The following SEPTIN3 variants were observed in gnomAD, a reference collection of about 807,000 sequenced individuals.
SEPTIN3 encodes the protein neuronal-specific septin-3.
Under a neutral mutation model 45.1 loss-of-function variants are expected in SEPTIN3, and 15 were observed. The observed-to-expected ratio is 0.33, with a 90% CI of 0.22 to 0.51. The LOEUF is 0.51. Ranked by LOEUF, SEPTIN3 falls within the 20% of genes least tolerant of loss-of-function variation. SEPTIN3 has a pLI of 0.97. For synonymous variants in SEPTIN3, 148 were observed against 164.8 expected, an observed-to-expected ratio of 0.90 and a Z score of 0.78; for missense variants, 289 against 457.2, an observed-to-expected ratio of 0.63 and a Z score of 3.35.
intron 2 of SEPTIN3, among the ~76,000 whole-genome samples, chr22:41,975,382 G>A (rs2078007971): frequency 1.3e-5 from 2 of 151,974 alleles, no homozygotes; most frequent in East Asian, 1.9e-4. Context: ...TAATTGAGTC[G>A]TTAGATTGTC....
At chr22:41,981,011 A>G (rs1377763215) in intron 2 of SEPTIN3, among the ~76,000 whole-genome samples, 1 of 152,204 alleles carries the variant, frequency 6.6e-6, no homozygotes, top group African/African-American at 2.4e-5. Context: ...AGAGAAGGGT[A>G]GCCCTGTTTG....
intron 11 of SEPTIN3, chr22:41,995,677 C>A: frequency 1.0e-6 from 1 of 985,398 alleles, no homozygotes; most frequent in African/African-American, 1.7e-5. Flanking sequence ...CACAAAACTA[C>A]AGGACAGTAC....
At chr22:41,977,136 G>A in intron 2 of SEPTIN3, 1 of 1,532,908 alleles carries the variant, frequency 6.5e-7, no homozygotes, top group Non-Finnish European at 8.8e-7. Context: ...CGGCCAGCGC[G>A]GCTGGAGGCG....
intron 2 of SEPTIN3, among the ~76,000 whole-genome samples, chr22:41,980,283 G>A (rs917444433): frequency 8.6e-5 from 13 of 151,792 alleles, no homozygotes; most frequent in African/African-American, 2.7e-4. Flanking sequence ...GATTACAGGC[G>A]CCTGCCACCA....
intron 7 of SEPTIN3, among the ~76,000 whole-genome samples, chr22:41,990,933 A>G (rs1014734815): frequency 6.7e-6 from 1 of 150,298 alleles, no homozygotes. Flanking sequence ...GCGTGGTGGC[A>G]TATGCCTGTA....
rs1270778914 is a variant in SEPTIN3 at position 41,972,474 on chromosome 22, G to A, written c.982G>A (p.Gly328Ser). The A allele has an allele frequency of 2.5e-6, 1 of 398,984 alleles. No individual in the cohort carries two copies. The highest frequency in any genetic ancestry group is 4.4e-6 in the Non-Finnish European group (1 of 226,126). The allele number at this position is 398,984 out of a possible 1,614,324, so 24.7% of individuals were successfully genotyped here. ...CAAAACCGTGAACTTGGCTACAGCA[G>A]GCACAATCAAGCCGGGCACAGCCAT... The part of the protein sequence containing the change: ...SGKTVNLATA[G>S]TIKPGTAMNL... The change falls in exon 2 of 12, where the codon GGC becomes AGC. Residue 328 changes from glycine (G) to serine (S), a missense_variant. Transcript: ENST00000644076.
chr22:41,973,503 C>CA (rs144943770), intron 2 of SEPTIN3, among the ~76,000 whole-genome samples: 2,705 of 121,636 alleles, frequency 0.022, 89 homozygotes, highest in African/African-American at 0.079. Context: ...ACTAAAAGTA[C>CA]AAAAAAAAAA....
At chr22:41,991,457 G>T in intron 7 of SEPTIN3, 116 bp from the exon 8 acceptor site, 1 of 749,052 alleles carries the variant, frequency 1.3e-6, no homozygotes, top group South Asian at 1.5e-5. Context: ...AGATGACTGT[G>T]GATTATCCAA....
In SEPTIN3 at chr22:41,994,988, C is replaced by A; in HGVS notation, c.2505+274C>A. Reference sequence around the variant, plus strand: ...GGGTGAGGTATTTTCACTGCCCTCCCTGGAGAGTCCCTTGTAAGTTTGGCT... The same window carrying A: ...GGGTGAGGTATTTTCACTGCCCTCCATGGAGAGTCCCTTGTAAGTTTGGCT... On this transcript the variant is annotated intron_variant, in intron 11 of 11. Coordinates refer to ENST00000644076, the MANE Select transcript of SEPTIN3 (RefSeq NM_001363845.2). The surrounding 1 kb of genome is among the most constrained non-coding windows in gnomAD (Gnocchi z 4.2). The A allele has an allele frequency of 6.0e-6, 8 of 1,336,406 alleles. No individual in the cohort carries two copies. Among genetic ancestry groups the A allele is most frequent in the Non-Finnish European group, 7.7e-6 (8 of 1,039,610 alleles). The allele number at this position is 1,336,406 out of a possible 1,614,324, so 82.8% of individuals were successfully genotyped here. A position where few individuals can be genotyped will look rare whatever the true frequency, so the allele number is the denominator to read the frequency against.
chr22:41,971,637 G>A lies in SEPTIN3; in HGVS notation c.145G>A (p.Val49Ile), dbSNP rs76401019. ...LPGGGSPLTP[V>I]LRKTIHLDTF... ...TGGAGGAGGGTCCCCCCTCACCCCC[G>A]TCCTCAGGAAGACCATCCATCTGGA... The change falls in exon 2 of 12, where the codon GTC (valine) becomes ATC (isoleucine). Residue 49 changes from valine (V) to isoleucine (I), a missense_variant. By Grantham distance (29) the Val-to-Ile change is conservative (BLOSUM62 3). This residue lies in a region of SEPTIN3 where 200 missense variants were observed against 315.1 expected (regional missense o/e 0.63). Coordinates refer to ENST00000644076, the MANE Select transcript of SEPTIN3 (RefSeq NM_001363845.2). 0.011 allele frequency: 4,228 copies of A among 398,064 alleles called. 34 individuals are homozygous for A. The highest frequency in any genetic ancestry group is 0.012 in the Non-Finnish European group (2,806 of 225,940). The allele number at this position is 398,064 out of a possible 1,614,324, so 24.7% of individuals were successfully genotyped here.
At position 41,994,604 on chromosome 22, in the gene SEPTIN3, C is replaced by T. The variant is rs2078392248; in HGVS notation, c.2412-17C>T. The stretch of plus-strand genomic sequence containing the variant: ...CCCCTAATTGCAGCCCTCTTCTTCT[C>T]ACCCTGTGTCCTCTAGGACCCACCT... On this transcript the variant is annotated splice_polypyrimidine_tract_variant and intron_variant, in intron 10 of 11. Transcript: ENST00000644076. This position sits in a 1 kb window ranked among gnomAD's most constrained non-coding sequence, Gnocchi z 4.2. The T allele has an allele frequency of 6.2e-7, 1 of 1,613,986 alleles. No homozygotes were observed.
In SEPTIN3 at chr22:41,997,275, C is replaced by T. The variant is rs2078458818; in HGVS notation, c.*308C>T. ...TCCTTCTGCCCTTGTAAGCCCATCC[C>T]AGCTACTTGTAACCATCTCTAAGGG... On this transcript the variant is annotated 3_prime_UTR_variant, in exon 12 of 12. Coordinates refer to ENST00000644076, the MANE Select transcript of SEPTIN3 (RefSeq NM_001363845.2). 2.6e-6 allele frequency: 1 copy of T among 383,642 alleles called. No homozygotes were observed. Among genetic ancestry groups the T allele is most frequent in the Admixed American group, 4.4e-5 (1 of 22,702 alleles). The allele number at this position is 383,642 out of a possible 1,614,324, so 23.8% of individuals were successfully genotyped here.
In SEPTIN3 at chr22:41,972,124, C is replaced by G. The variant is rs116568436; in HGVS notation, c.632C>G (p.Ser211Trp). Residue 211 changes from serine (S) to tryptophan (W), a missense_variant, in exon 2 of 12, where the codon TCG becomes TGG. Physicochemically the swap from Ser to Trp is radical, Grantham distance 177. This residue lies in a region of SEPTIN3 where 200 missense variants were observed against 315.1 expected (regional missense o/e 0.63). Transcript: ENST00000644076. ...QSAPVLAEPG[S>W]LGQGHLVSVT... ...GCACCAGTCCTTGCAGAGCCAGGCT[C>G]GTTGGGCCAGGGGCACCTTGTCTCA... The G allele has an allele frequency of 9.1e-4, 364 of 399,106 alleles. No homozygotes were observed. The highest frequency in any genetic ancestry group is 6.6e-3 in the African/African-American group (324 of 48,748). 24.7% of individuals were successfully genotyped at this position (399,106 alleles called of 1,614,324 possible). A position where few individuals can be genotyped will look rare whatever the true frequency, so the allele number is the denominator to read the frequency against.
In SEPTIN3 at chr22:41,994,879, T is replaced by TTTGTG. The variant is rs1556270673; in HGVS notation, c.2505+166_2505+167insTGTGT. The TTTGTG allele has an allele frequency of 2.8e-6, 4 of 1,442,448 alleles. No homozygotes were observed. The highest frequency in any genetic ancestry group is 6.7e-5 in the East Asian group (2 of 30,036). The allele number at this position is 1,442,448 out of a possible 1,614,324, so 89.4% of individuals were successfully genotyped here. On this transcript the variant is annotated intron_variant, in intron 11 of 11. Transcript: ENST00000644076. This position sits in a 1 kb window ranked among gnomAD's most constrained non-coding sequence, Gnocchi z 4.2. Reference sequence around the variant, plus strand: ...GCCTGTCTGGTATTTGTGGAGCATCTTGTCTGTGTGTGTGTGTGTGTGTGT... The same window carrying TTTGTG: ...GCCTGTCTGGTATTTGTGGAGCATCTTTGTGTGTCTGTGTGTGTGTGTGTGTGTGT...
intron 3 of SEPTIN3, among the ~76,000 whole-genome samples, chr22:41,983,610 C>T (rs1179308261): frequency 2.0e-5 from 3 of 152,196 alleles, no homozygotes; most frequent in East Asian, 1.9e-4. Flanking sequence ...AGGCAGTGCT[C>T]GTCCACATGC....
chr22:41,982,796 C>T (rs1374810653), intron 3 of SEPTIN3, among the ~76,000 whole-genome samples: 2 of 151,414 alleles, frequency 1.3e-5, no homozygotes, highest in Admixed American at 6.6e-5. Context: ...GAGGCTGAGG[C>T]AGGAGAATCA....
chr22:41,972,140 C>A lies in SEPTIN3; in HGVS notation c.648C>A (p.His216Gln). The A allele has an allele frequency of 2.5e-6, 1 of 399,110 alleles. No homozygotes were observed. Among genetic ancestry groups the A allele is most frequent in the Non-Finnish European group, 4.4e-6 (1 of 226,150 alleles). 24.7% of individuals were successfully genotyped at this position (399,110 alleles called of 1,614,324 possible). The stretch of plus-strand genomic sequence containing the variant: ...AGCCAGGCTCGTTGGGCCAGGGGCA[C>A]CTTGTCTCAGTGACTGACCACATGC... ...LAEPGSLGQG[H>Q]LVSVTDHMPT... The change falls in exon 2 of 12, where the codon CAC becomes CAA. Residue 216 changes from histidine (H) to glutamine (Q), a missense_variant. By Grantham distance (24) the His-to-Gln change is conservative. This residue lies in a region of SEPTIN3 where 200 missense variants were observed against 315.1 expected (regional missense o/e 0.63). Coordinates refer to ENST00000644076, the MANE Select transcript of SEPTIN3 (RefSeq NM_001363845.2).
In SEPTIN3 at chr22:41,971,932, T is replaced by A; in HGVS notation, c.440T>A (p.Val147Glu). ...KKAAPHEGGR[V>E]SSPGSPPVTL... Reference sequence around the variant, plus strand: ...GCTGCTCCCCATGAAGGAGGGAGGGTGTCCTCGCCAGGCTCGCCACCTGTG... The same window carrying A: ...GCTGCTCCCCATGAAGGAGGGAGGGAGTCCTCGCCAGGCTCGCCACCTGTG... The change falls in exon 2 of 12, where the codon GTG becomes GAG. Residue 147 changes from valine to glutamate, a missense_variant. By Grantham distance (121) the Val-to-Glu change is moderately radical (BLOSUM62 -2). This residue lies in a region of SEPTIN3 where 200 missense variants were observed against 315.1 expected (regional missense o/e 0.63). Transcript: ENST00000644076. 1 of 398,772 alleles carries A rather than the reference T, an allele frequency of 2.5e-6. No homozygotes were observed. The highest frequency in any genetic ancestry group is 4.4e-6 in the Non-Finnish European group (1 of 226,082). 24.7% of individuals were successfully genotyped at this position (398,772 alleles called of 1,614,324 possible).
At chr22:41,980,418 G>A (rs1038030357) in intron 2 of SEPTIN3, among the ~76,000 whole-genome samples, 8 of 152,158 alleles carry the variant, frequency 5.3e-5, no homozygotes, top group South Asian at 2.1e-4. Context: ...TTACAGGCGT[G>A]AGCCACCGCG....
Sources: gnomAD v4.1 joint callset for allele counts (sites outside exome capture counted in the v4.1 genomes callset) on GRCh38, gnomAD v4.1.1 for gene constraint, gnomAD v4.1.1 regional missense constraint, Gnocchi (gnomAD v3.1) non-coding constraint, MANE v1.5 for transcripts, NCBI Gene and HGNC (gene_info 2026-07-23, HGNC 2026-07-21) for gene names.